The following RPTOR variants were observed in gnomAD, a reference collection of about 807,000 sequenced individuals.
RPTOR encodes the protein regulatory-associated protein of mTOR.
A neutral mutation model predicts 169.9 loss-of-function variants in RPTOR; 21 were observed. That is an observed-to-expected ratio of 0.12 (90% CI 0.09 to 0.18). The LOEUF (loss-of-function observed/expected upper bound fraction) is 0.18, where lower values mean the gene tolerates loss of function less well. Ranked by LOEUF, RPTOR falls within the 10% of genes least tolerant of loss-of-function variation. RPTOR has a pLI of 1.00. For synonymous variants in RPTOR, 732 were observed against 753.2 expected (o/e 0.97, Z 0.46); for missense variants, 1,133 against 1,855.9 (o/e 0.61, Z 7.16).
At chr17:80,872,652 CAA>C (rs1301451062) in intron 13 of RPTOR, among the ~76,000 whole-genome samples, 1 of 152,198 alleles carries the variant, frequency 6.6e-6, no homozygotes, top group Non-Finnish European at 1.5e-5. Context: ...ATGAAATGAA[CAA>C]AAGAGAGAGG....
At chr17:80,627,047 G>A (rs117170038) in intron 2 of RPTOR, among the ~76,000 whole-genome samples, 2 of 152,088 alleles carry the variant, frequency 1.3e-5, no homozygotes, top group African/African-American at 4.8e-5. Context: ...ACTGATATTT[G>A]TCCCTTTGTT....
rs962685496 is a variant in RPTOR at position 80,708,897 on chromosome 17, G to C, written c.507+898G>C. The C allele has an allele frequency of 3.0e-6, 3 of 984,514 alleles. No individual in the cohort carries two copies. Among genetic ancestry groups the C allele is most frequent in the Non-Finnish European group, 3.6e-6 (3 of 828,820 alleles). The allele number at this position is 984,514 out of a possible 1,614,324, so 61.0% of individuals were successfully genotyped here. A position where few individuals can be genotyped will look rare whatever the true frequency, so the allele number is the denominator to read the frequency against. On this transcript the variant is annotated intron_variant, in intron 4 of 33. Coordinates refer to ENST00000306801, the MANE Select transcript of RPTOR (RefSeq NM_020761.3). This position sits in a 1 kb window ranked among gnomAD's most constrained non-coding sequence, Gnocchi z 4.2. ...TTCGGTTGTGCTGTCAGCCTCCTGGGCTTCTGCTTCCTTAGTGTGGACACC... is the reference window on the plus strand; with the variant it reads ...TTCGGTTGTGCTGTCAGCCTCCTGGCCTTCTGCTTCCTTAGTGTGGACACC...
At chr17:80,908,080 A>G (rs1371476918) in intron 20 of RPTOR, among the ~76,000 whole-genome samples, 1 of 152,216 alleles carries the variant, frequency 6.6e-6, no homozygotes, top group Non-Finnish European at 1.5e-5. Context: ...GGAATTAAAT[A>G]GGACCGAGCA....
chr17:80,795,929 G>A (rs2067097045), intron 7 of RPTOR, among the ~76,000 whole-genome samples: 8 of 152,308 alleles, frequency 5.3e-5, no homozygotes, highest in Non-Finnish European at 1.5e-5. Context: ...GGTGGCTGCT[G>A]TCACTCCACA....
At chr17:80,598,415 G>A (rs1344160446) in intron 1 of RPTOR, among the ~76,000 whole-genome samples, 1 of 152,174 alleles carries the variant, frequency 6.6e-6, no homozygotes, top group African/African-American at 2.4e-5. Context: ...GATGGAGGAA[G>A]AATCAATTCA....
chr17:80,589,184 T>C (rs1300154060), intron 1 of RPTOR, among the ~76,000 whole-genome samples: 1 of 152,196 alleles, frequency 6.6e-6, no homozygotes, highest in Non-Finnish European at 1.5e-5. Context: ...CCAGTTTTGC[T>C]CTGTTGCATA....
chr17:80,917,740 G>A (rs760599837), intron 21 of RPTOR, among the ~76,000 whole-genome samples: 2 of 152,122 alleles, frequency 1.3e-5, no homozygotes, highest in Non-Finnish European at 2.9e-5. Context: ...ACAGTTCTCT[G>A]TTGCCACCGT....
At chr17:80,942,196 A>G (rs2069039824) in intron 25 of RPTOR, among the ~76,000 whole-genome samples, 1 of 151,724 alleles carries the variant, frequency 6.6e-6, no homozygotes, top group East Asian at 1.9e-4. Flanking sequence ...GCGATTCTCT[A>G]GGACCCCAGC....
At position 80,841,032 on chromosome 17, in the gene RPTOR, G is replaced by A. The variant is rs1233043489; in HGVS notation, c.1212+3035G>A. On this transcript the variant is annotated intron_variant, in intron 10 of 33. Coordinates refer to ENST00000306801, the MANE Select transcript of RPTOR (RefSeq NM_020761.3). ...CACGGCAGCTCACTCTCTCTGCACC[G>A]CAGCTCACACTCACCGCACGGCAGC... 6.6e-4 allele frequency among the ~76,000 whole-genome samples: 5 copies of A among 7,556 alleles called. 1 individual carries two copies. In the African/African-American group the frequency reaches 0.012, roughly 17 times the overall value. The allele number at this position is 7,556 out of a possible 152,430, so 5.0% of individuals were successfully genotyped here.
rs1414386432 is a variant in RPTOR at position 80,820,835 on chromosome 17, C to T, written c.891-1366C>T. ...TGCCTGCCCTCCACCACCCACACAGCTAATGAAAGGGGCTTCTCCGTCATC... is the reference window on the plus strand; with the variant it reads ...TGCCTGCCCTCCACCACCCACACAGTTAATGAAAGGGGCTTCTCCGTCATC... On this transcript the variant is annotated intron_variant, in intron 7 of 33. Transcript: ENST00000306801. The surrounding 1 kb of genome is among the most constrained non-coding windows in gnomAD (Gnocchi z 4.1). 6.6e-6 allele frequency among the ~76,000 whole-genome samples: 1 copy of T among 152,200 alleles called. No individual in the cohort carries two copies. The highest frequency in any genetic ancestry group is 1.5e-5 in the Non-Finnish European group (1 of 68,036).
At chr17:80,777,354 C>T (rs1001008801) in intron 6 of RPTOR, among the ~76,000 whole-genome samples, 5 of 151,984 alleles carry the variant, frequency 3.3e-5, no homozygotes, top group African/African-American at 7.3e-5. Context: ...TCGAAATTTA[C>T]GGATAATTTT....
intron 4 of RPTOR, among the ~76,000 whole-genome samples, chr17:80,725,271 C>T (rs575175470): frequency 3.3e-4 from 50 of 152,026 alleles, no homozygotes; most frequent in East Asian, 2.3e-3. Flanking sequence ...GTGAGGCAGG[C>T]GGACTCTTCC....
chr17:80,933,836 A>G (rs1237612120), intron 24 of RPTOR, among the ~76,000 whole-genome samples: 1 of 152,236 alleles, frequency 6.6e-6, no homozygotes, highest in East Asian at 1.9e-4. Flanking sequence ...AAACTCTACA[A>G]TTTAGGCGAG....
At chr17:80,902,825 C>T (rs564127509) in intron 20 of RPTOR, among the ~76,000 whole-genome samples, 12 of 152,386 alleles carry the variant, frequency 7.9e-5, no homozygotes, top group East Asian at 1.9e-4. Flanking sequence ...TGGGGGACCA[C>T]GCTGCTGTGT....
intron 1 of RPTOR, among the ~76,000 whole-genome samples, 178 bp from the exon 2 acceptor site, chr17:80,625,513 G>A (rs17848677): frequency 0.055 from 8,377 of 152,270 alleles, 293 homozygotes; most frequent in Non-Finnish European, 0.082. Context: ...TGCCTTCAAA[G>A]AAGGGCGTTA....
chr17:80,814,948 A>G (rs2067308659), intron 7 of RPTOR, among the ~76,000 whole-genome samples: 1 of 152,210 alleles, frequency 6.6e-6, no homozygotes, highest in Non-Finnish European at 1.5e-5. Flanking sequence ...TAAAGGATCC[A>G]TAGGTGTCCC....
At chr17:80,842,505 C>T (rs532124042) in intron 10 of RPTOR, among the ~76,000 whole-genome samples, 12 of 152,302 alleles carry the variant, frequency 7.9e-5, no homozygotes, top group African/African-American at 2.9e-4. Context: ...GGTGCCAGAG[C>T]ACTCTGCAAA....
Position 80,654,466 on chromosome 17 carries a change from C to T in RPTOR, c.348+10656C>T, listed in dbSNP as rs540828016. Among the ~76,000 whole-genome samples the T allele has an allele frequency of 3.2e-3, 481 of 152,320 alleles. 3 individuals carry two copies. Among genetic ancestry groups the T allele is most frequent in the African/African-American group, 0.011 (449 of 41,576 alleles). The stretch of plus-strand genomic sequence containing the variant: ...CTCCGCTTAGCTTCACGTGGTCCTC[C>T]GTGTAACTGGCCCATCTGTGGGTTG... On this transcript the variant is annotated intron_variant, in intron 3 of 33. Transcript: ENST00000306801.
chr17:80,901,959 G>C (rs2068482101), intron 20 of RPTOR, among the ~76,000 whole-genome samples: 1 of 152,200 alleles, frequency 6.6e-6, no homozygotes, highest in African/African-American at 2.4e-5. Flanking sequence ...GGTTCCCCCA[G>C]CAGTGCCTGG....
Sources: allele counts gnomAD v4.1 joint callset (sites outside exome capture counted in the v4.1 genomes callset), GRCh38; gene constraint gnomAD v4.1.1; non-coding constraint Gnocchi (gnomAD v3.1); transcripts MANE v1.5; gene names NCBI Gene and HGNC (gene_info 2026-07-23, HGNC 2026-07-21).